The following KIRREL3 variants were observed in gnomAD, a reference collection of about 807,000 sequenced individuals.
KIRREL3 encodes kirre like nephrin family adhesion molecule 3, also known as kin of IRRE-like protein 3.
Under a neutral mutation model 89.7 loss-of-function variants are expected in KIRREL3, and 36 were observed. The ratio of observed to expected loss-of-function variants is 0.40; its 90% CI spans 0.31 to 0.53. The LOEUF (loss-of-function observed/expected upper bound fraction) is 0.53. Ranked by LOEUF, KIRREL3 falls within the 20% of genes least tolerant of loss-of-function variation. KIRREL3 has a pLI of 0.49. For synonymous variants in KIRREL3, 445 were observed against 441.4 expected, an observed-to-expected ratio of 1.01 and a Z score of -0.10; for missense variants, 864 against 1,056.6, an observed-to-expected ratio of 0.82 and a Z score of 2.53.
At chr11:126,599,327 C>G (rs565321780) in intron 1 of KIRREL3, among the ~76,000 whole-genome samples, 49 of 152,302 alleles carry the variant, frequency 3.2e-4, no homozygotes, top group Admixed American at 1.4e-3. Flanking sequence ...GTGTCTTGGC[C>G]CCTAATGGAC....
chr11:126,895,245 T>A (rs1178411265), intron 1 of KIRREL3, among the ~76,000 whole-genome samples: 1 of 151,618 alleles, frequency 6.6e-6, no homozygotes, highest in Non-Finnish European at 1.5e-5. Context: ...GGAGGATCAC[T>A]TGAGGTCAGG....
Position 126,996,900 on chromosome 11 carries a change from G to A in KIRREL3, c.55+3555C>T, listed in dbSNP as rs924718399. Among the ~76,000 whole-genome samples, 2 of 152,208 alleles carry A rather than the reference G, an allele frequency of 1.3e-5. No individual in the cohort carries two copies. Among genetic ancestry groups the A allele is most frequent in the Admixed American group, 1.3e-4 (2 of 15,286 alleles). The stretch of plus-strand genomic sequence containing the variant: ...AACCACAGAATCACAAGGCAGGACA[G>A]GACGCTCTAGGAATGCCAGAGCAAA... On this transcript the variant is annotated intron_variant, in intron 1 of 16. Coordinates refer to ENST00000525144, the MANE Select transcript of KIRREL3 (RefSeq NM_032531.4). The surrounding 1 kb of genome is among the most constrained non-coding windows in gnomAD (Gnocchi z 4.7).
chr11:126,860,176 C>T lies in KIRREL3; in HGVS notation c.55+140279G>A, dbSNP rs143601334. 4.6e-5 allele frequency among the ~76,000 whole-genome samples: 7 copies of T among 152,218 alleles called. No homozygotes were observed. Among genetic ancestry groups the T allele is most frequent in the Non-Finnish European group, 8.8e-5 (6 of 68,014 alleles). ...TAATTTCAATACAACAAACAGGTAA[C>T]GAGCATTTGTGATGTGCCCGTTGCT... On this transcript the variant is annotated intron_variant, in intron 1 of 16. Coordinates refer to ENST00000525144, the MANE Select transcript of KIRREL3 (RefSeq NM_032531.4). This position sits in a 1 kb window ranked among gnomAD's most constrained non-coding sequence, Gnocchi z 4.6.
At position 126,557,172 on chromosome 11, in the gene KIRREL3, C is replaced by T. The variant is rs1215688981; in HGVS notation, c.133+5663G>A. On this transcript the variant is annotated intron_variant, in intron 2 of 16. Coordinates refer to ENST00000525144, the MANE Select transcript of KIRREL3 (RefSeq NM_032531.4). The surrounding 1 kb of genome is among the most constrained non-coding windows in gnomAD (Gnocchi z 5.6). ...CCAAGGACCCTGGCCTGCTGCTTCC[C>T]CTCTGCCCTGAGAAAAGCACAGCTC... Among the ~76,000 whole-genome samples, 1 of 152,164 alleles carries T rather than the reference C, an allele frequency of 6.6e-6. No individual in the cohort carries two copies. Among genetic ancestry groups the T allele is most frequent in the Non-Finnish European group, 1.5e-5 (1 of 68,018 alleles).
intron 5 of KIRREL3, among the ~76,000 whole-genome samples, chr11:126,468,371 C>T (rs370768528): frequency 3.9e-5 from 6 of 152,254 alleles, no homozygotes; most frequent in Admixed American, 1.3e-4. Flanking sequence ...AGCCGACACC[C>T]GCTGGGAGCC....
In KIRREL3 at chr11:126,664,256, CATT is replaced by C. The variant is rs1945550440; in HGVS notation, c.56-101347_56-101345del. Among the ~76,000 whole-genome samples the C allele has an allele frequency of 6.7e-6, 1 of 149,952 alleles. No homozygotes were observed. The highest frequency in any genetic ancestry group is 1.5e-5 in the Non-Finnish European group (1 of 67,680). Reference sequence around the variant, plus strand: ...TTAGCATTTTTTTTTTTTTTACCATCATTATGATCATCAACCCAGCACCAATTA... The same window carrying C: ...TTAGCATTTTTTTTTTTTTTACCATCATGATCATCAACCCAGCACCAATTA... On this transcript the variant is annotated intron_variant, in intron 1 of 16. Transcript: ENST00000525144. This position sits in a 1 kb window ranked among gnomAD's most constrained non-coding sequence, Gnocchi z 5.4.
Position 126,429,995 on chromosome 11 carries a change from C to T in KIRREL3, c.1697-707G>A, listed in dbSNP as rs1440366225. On this transcript the variant is annotated intron_variant, in intron 14 of 16. Coordinates refer to ENST00000525144, the MANE Select transcript of KIRREL3 (RefSeq NM_032531.4). The surrounding 1 kb of genome is among the most constrained non-coding windows in gnomAD (Gnocchi z 5.2). ...ATTAAAAATCCAAAAATTAGCTGGG[C>T]GTGGTGGTGGGTGCCTGTAATGCCA... 3.3e-5 allele frequency among the ~76,000 whole-genome samples: 5 copies of T among 151,804 alleles called. No individual in the cohort carries two copies. Among genetic ancestry groups the T allele is most frequent in the African/African-American group, 1.2e-4 (5 of 41,314 alleles).
At chr11:126,959,984 C>T (rs1949038425) in intron 1 of KIRREL3, among the ~76,000 whole-genome samples, 1 of 152,290 alleles carries the variant, frequency 6.6e-6, no homozygotes, top group South Asian at 2.1e-4. Context: ...CCTCACTGAT[C>T]CACTGTTTAT....
chr11:126,728,703 A>C (rs1457861960), intron 1 of KIRREL3, among the ~76,000 whole-genome samples: 2 of 152,174 alleles, frequency 1.3e-5, no homozygotes, highest in African/African-American at 4.8e-5. Flanking sequence ...AGTACTTGTC[A>C]GTGGAGTGAA....
chr11:126,590,294 G>A (rs1484531073), intron 1 of KIRREL3, among the ~76,000 whole-genome samples: 1 of 152,070 alleles, frequency 6.6e-6, no homozygotes, highest in African/African-American at 2.4e-5. Context: ...ACCTCCCTCT[G>A]TTTTAAAAAT....
intron 1 of KIRREL3, among the ~76,000 whole-genome samples, chr11:126,864,721 T>A (rs922485449): frequency 1.3e-5 from 2 of 152,172 alleles, no homozygotes; most frequent in African/African-American, 4.8e-5. Context: ...TATAGAATTA[T>A]CCTTGTTTAC....
intron 1 of KIRREL3, among the ~76,000 whole-genome samples, chr11:126,586,473 C>T (rs1941863130): frequency 6.6e-6 from 1 of 151,966 alleles, no homozygotes; most frequent in Non-Finnish European, 1.5e-5. Flanking sequence ...CCTCTAAGCA[C>T]ATACCCCGCC....
chr11:126,615,922 G>A lies in KIRREL3; in HGVS notation c.56-53010C>T, dbSNP rs999508526. 3.3e-5 allele frequency among the ~76,000 whole-genome samples: 5 copies of A among 152,176 alleles called. No individual in the cohort carries two copies. The highest frequency in any genetic ancestry group is 9.7e-5 in the African/African-American group (4 of 41,450). On this transcript the variant is annotated intron_variant, in intron 1 of 16. Coordinates refer to ENST00000525144, the MANE Select transcript of KIRREL3 (RefSeq NM_032531.4). The surrounding 1 kb of genome is among the most constrained non-coding windows in gnomAD (Gnocchi z 5.4). Reference sequence around the variant, plus strand: ...GGAGCAGACTTCTTTGTATGCCCCCGGGGACAGGACAGGATGGAGGGAGGA... The same window carrying A: ...GGAGCAGACTTCTTTGTATGCCCCCAGGGACAGGACAGGATGGAGGGAGGA...
chr11:126,895,519 G>GAAGAGATGAA (rs1322140736), intron 1 of KIRREL3, among the ~76,000 whole-genome samples: 1 of 151,706 alleles, frequency 6.6e-6, no homozygotes, highest in Admixed American at 6.6e-5. Context: ...GGGCATGAGG[G>GAAGAGATGAA]AAGAGATGAA....
At chr11:126,517,383 C>T (rs1470192976) in intron 4 of KIRREL3, among the ~76,000 whole-genome samples, 1 of 152,172 alleles carries the variant, frequency 6.6e-6, no homozygotes, top group Admixed American at 6.5e-5. Context: ...GCCCAGGGCT[C>T]TTCCTACCCC....
intron 1 of KIRREL3, among the ~76,000 whole-genome samples, chr11:126,984,077 C>T (rs1377312782): frequency 6.6e-6 from 1 of 152,124 alleles, no homozygotes; most frequent in African/African-American, 2.4e-5. Flanking sequence ...CACATGGCAC[C>T]TTGTCTTGAA....
rs1464150151 is a variant in KIRREL3 at position 126,639,870 on chromosome 11, A to G, written c.56-76958T>C. Among the ~76,000 whole-genome samples, 1 of 152,204 alleles carries G rather than the reference A, an allele frequency of 6.6e-6. No individual in the cohort carries two copies. The highest frequency in any genetic ancestry group is 1.5e-5 in the Non-Finnish European group (1 of 68,038). On this transcript the variant is annotated intron_variant, in intron 1 of 16. Coordinates refer to ENST00000525144, the MANE Select transcript of KIRREL3 (RefSeq NM_032531.4). The surrounding 1 kb of genome is among the most constrained non-coding windows in gnomAD (Gnocchi z 4.3). ...AGAAGGCTTAGTTTGATTACGCTTC[A>G]TGGCCATCCAATCCAATCTGGCTTG...
intron 1 of KIRREL3, among the ~76,000 whole-genome samples, chr11:126,745,485 A>G (rs1011392149): frequency 2.6e-5 from 2 of 78,174 alleles, no homozygotes; most frequent in Non-Finnish European, 4.9e-5. Flanking sequence ...CAAACAAACA[A>G]ACAGAAAAAC....
In KIRREL3 at chr11:126,843,857, T is replaced by A. The variant is rs1345203501; in HGVS notation, c.55+156598A>T. Among the ~76,000 whole-genome samples, 3 of 152,176 alleles carry A rather than the reference T, an allele frequency of 2.0e-5. No individual in the cohort carries two copies. In the East Asian group the frequency reaches 5.8e-4, roughly 29 times the overall value. ...CACCCGTGCCATGACAGTTTACAAA[T>A]GCCATGGCAACATCAGAAAGTTACC... On this transcript the variant is annotated intron_variant, in intron 1 of 16. Coordinates refer to ENST00000525144, the MANE Select transcript of KIRREL3 (RefSeq NM_032531.4). The surrounding 1 kb of genome is among the most constrained non-coding windows in gnomAD (Gnocchi z 4.6).
Sources: gnomAD v4.1 joint callset for allele counts (sites outside exome capture counted in the v4.1 genomes callset) on GRCh38, gnomAD v4.1.1 for gene constraint, Gnocchi (gnomAD v3.1) non-coding constraint, MANE v1.5 for transcripts, NCBI Gene and HGNC (gene_info 2026-07-23, HGNC 2026-07-21) for gene names.